Variants in KIF26B observed in about 807,000 individuals in gnomAD.
KIF26B encodes kinesin-like protein KIF26B.
A neutral mutation model predicts 151.2 loss-of-function variants in KIF26B; 63 were observed. That is an observed-to-expected ratio of 0.42 (90% CI 0.34 to 0.51). KIF26B has a LOEUF of 0.51. Among genes scored for constraint, KIF26B ranks in the 20% least tolerant of loss-of-function variants. The pLI is 0.07. For synonymous variants in KIF26B, 1,357 were observed against 1,262.1 expected, an observed-to-expected ratio of 1.08 and a Z score of -1.59; for missense variants, 2,813 against 2,913.6, an observed-to-expected ratio of 0.97 and a Z score of 0.79.
intron 4 of KIF26B, among the ~76,000 whole-genome samples, chr1:245,480,073 G>A (rs1660133181): frequency 6.6e-6 from 1 of 151,462 alleles, no homozygotes; most frequent in Admixed American, 6.6e-5. Flanking sequence ...GGACCAGCCT[G>A]GGCAACATGG....
At chr1:245,645,721 G>A (rs749672026) in intron 9 of KIF26B, among the ~76,000 whole-genome samples, 17 of 152,144 alleles carry the variant, frequency 1.1e-4, no homozygotes, top group Admixed American at 2.0e-4. Context: ...ACCAAAGCAG[G>A]TAATCACTCA....
At chr1:245,671,391 T>C (rs1309885103) in intron 10 of KIF26B, among the ~76,000 whole-genome samples, 2 of 152,136 alleles carry the variant, frequency 1.3e-5, no homozygotes, top group African/African-American at 4.8e-5. Flanking sequence ...AAAGGACAAA[T>C]ATTGTATGAT....
chr1:245,455,031 G>T (rs1315470428), intron 4 of KIF26B, among the ~76,000 whole-genome samples: 1 of 152,094 alleles, frequency 6.6e-6, no homozygotes, highest in Non-Finnish European at 1.5e-5. Flanking sequence ...TTGAATACTT[G>T]TTCATCAGCC....
intron 5 of KIF26B, among the ~76,000 whole-genome samples, chr1:245,595,816 C>T (rs1423252497): frequency 6.6e-6 from 1 of 151,890 alleles, no homozygotes; most frequent in Non-Finnish European, 1.5e-5. Flanking sequence ...TGGTAGGCTG[C>T]GAAATTACTG....
chr1:245,678,934 G>A (rs75131250), intron 10 of KIF26B, among the ~76,000 whole-genome samples: 2 of 152,104 alleles, frequency 1.3e-5, no homozygotes, highest in South Asian at 4.2e-4. Context: ...TGTGCGTATG[G>A]CTGGCTGTGT....
chr1:245,214,506 G>T (rs1159272197), intron 2 of KIF26B, among the ~76,000 whole-genome samples: 2 of 152,154 alleles, frequency 1.3e-5, no homozygotes, highest in Non-Finnish European at 2.9e-5. Flanking sequence ...AAGGCTTTTT[G>T]CCAGACAGAG....
chr1:245,167,427 A>G lies in KIF26B; in HGVS notation c.465+10744A>G, dbSNP rs1271192363. ...CAGTGATGAGCAGCTACACTTCCCC[A>G]TGAAACTCTATCATCGTATTTAGAG... is the stretch of plus-strand genomic sequence containing the variant. On this transcript the variant is annotated intron_variant, in intron 2 of 14. Coordinates refer to ENST00000407071, the MANE Select transcript of KIF26B (RefSeq NM_018012.4). The surrounding 1 kb of genome is among the most constrained non-coding windows in gnomAD (Gnocchi z 4.2). Among the ~76,000 whole-genome samples the G allele has an allele frequency of 2.0e-5, 3 of 152,148 alleles. No homozygotes were observed. The highest frequency in any genetic ancestry group is 1.3e-4 in the Admixed American group (2 of 15,272).
At chr1:245,195,922 T>C (rs1350275272) in intron 2 of KIF26B, among the ~76,000 whole-genome samples, 1 of 152,056 alleles carries the variant, frequency 6.6e-6, no homozygotes, top group Non-Finnish European at 1.5e-5. Context: ...AATAGATGGG[T>C]AAGATTTTGA....
At chr1:245,490,474 G>A (rs78421085) in intron 4 of KIF26B, among the ~76,000 whole-genome samples, 4,857 of 152,084 alleles carry the variant, frequency 0.032, 126 homozygotes, top group Non-Finnish European at 0.05. Context: ...ACCACGTCCA[G>A]CTAATTTTTT....
chr1:245,434,977 A>ATCCG (rs572673861), intron 4 of KIF26B, among the ~76,000 whole-genome samples: 4 of 139,424 alleles, frequency 2.9e-5, no homozygotes, highest in Admixed American at 7.0e-5. Context: ...TCTTTTGTCC[A>ATCCG]TCCATCCATC....
intron 1 of KIF26B, among the ~76,000 whole-genome samples, 186 bp from the exon 2 acceptor site, chr1:245,156,096 G>A (rs1242126755): frequency 6.6e-6 from 1 of 152,178 alleles, no homozygotes; most frequent in Non-Finnish European, 1.5e-5. Flanking sequence ...CCTGGGCGGT[G>A]GGGACTCACT....
At chr1:245,486,701 G>A (rs1289139491) in intron 4 of KIF26B, among the ~76,000 whole-genome samples, 2 of 151,902 alleles carry the variant, frequency 1.3e-5, no homozygotes, top group South Asian at 2.1e-4. Flanking sequence ...ACGAGGTCTC[G>A]CTCTGTCACC....
intron 10 of KIF26B, among the ~76,000 whole-genome samples, chr1:245,652,106 G>A (rs373222842): frequency 8.7e-4 from 41 of 47,274 alleles, no homozygotes; most frequent in African/African-American, 2.2e-3. Flanking sequence ...AAGAATCTGT[G>A]TGTGTGTGTG....
chr1:245,574,932 T>G (rs1028249501), intron 5 of KIF26B, among the ~76,000 whole-genome samples: 4 of 147,382 alleles, frequency 2.7e-5, no homozygotes, highest in African/African-American at 1.0e-4. Context: ...TGGCGCGATC[T>G]CGGCTCACTG....
intron 3 of KIF26B, among the ~76,000 whole-genome samples, chr1:245,384,757 C>T (rs1283462919): frequency 1.3e-5 from 2 of 152,054 alleles, no homozygotes; most frequent in East Asian, 1.9e-4. Flanking sequence ...CTGGTAAATA[C>T]CATGAATTAA....
chr1:245,690,967 A>G (rs752034090), intron 12 of KIF26B, among the ~76,000 whole-genome samples: 12 of 152,246 alleles, frequency 7.9e-5, no homozygotes, highest in Non-Finnish European at 1.2e-4. Flanking sequence ...CGGCCTTCCC[A>G]GTACCTGGTT....
chr1:245,535,669 G>T (rs1661473839), intron 4 of KIF26B, among the ~76,000 whole-genome samples: 1 of 152,130 alleles, frequency 6.6e-6, no homozygotes, highest in Non-Finnish European at 1.5e-5. Context: ...GAGAAATGTC[G>T]CTTATACTTA....
At position 245,390,933 on chromosome 1, in the gene KIF26B, A is replaced by ACAAAACAAAACAAAACAAAAC. The variant is rs1553270107; in HGVS notation, c.999+23566_999+23567insCAAAACAAAACAAAACAAAAC. The stretch of plus-strand genomic sequence containing the variant: ...CAAGACCCTGTCTCAAAAAAAAAAA[A>ACAAAACAAAACAAAACAAAAC]AAAAAAAAAAAAAAAAAAACCACCA... On this transcript the variant is annotated intron_variant, in intron 3 of 14. Transcript: ENST00000407071. Among the ~76,000 whole-genome samples the ACAAAACAAAACAAAACAAAAC allele has an allele frequency of 6.2e-4, 58 of 93,270 alleles. 1 individual carries two copies. The highest frequency in any genetic ancestry group is 5.5e-3 in the African/African-American group (54 of 9,838). The allele number at this position is 93,270 out of a possible 152,430, so 61.2% of individuals were successfully genotyped here. A position where few individuals can be genotyped will look rare whatever the true frequency, so the allele number is the denominator to read the frequency against.
intron 2 of KIF26B, among the ~76,000 whole-genome samples, chr1:245,164,810 C>T (rs1191571840): frequency 6.6e-6 from 1 of 152,148 alleles, no homozygotes; most frequent in Non-Finnish European, 1.5e-5. Context: ...CGGTGGCTCA[C>T]GCCTGTAATC....
Sources: gnomAD v4.1 joint callset for allele counts (sites outside exome capture counted in the v4.1 genomes callset) on GRCh38, gnomAD v4.1.1 for gene constraint, Gnocchi (gnomAD v3.1) non-coding constraint, MANE v1.5 for transcripts, NCBI Gene and HGNC (gene_info 2026-07-23, HGNC 2026-07-21) for gene names.